RASSF6: variants seen among roughly 807,000 people sequenced by gnomAD.
RASSF6 encodes ras association domain-containing protein 6.
A neutral mutation model predicts 44.0 loss-of-function variants in RASSF6; 52 were observed. That is an observed-to-expected ratio of 1.18 (90% CI 0.95 to 1.49). The LOEUF is 1.49. Ranked by LOEUF, RASSF6 falls within the 40% of genes most tolerant of loss-of-function variation. The pLI is 0.00. For synonymous variants in RASSF6, 162 were observed against 124.6 expected (o/e 1.30, Z -2.00); for missense variants, 464 against 393.3 (o/e 1.18, Z -1.52).
At chr4:73,593,172 C>A (rs193279609) in intron 4 of RASSF6, among the ~76,000 whole-genome samples, 1 of 151,968 alleles carries the variant, frequency 6.6e-6, no homozygotes, top group African/African-American at 2.4e-5. Flanking sequence ...GCTGCCACCA[C>A]GCCCAGCTAA....
At chr4:73,618,208 A>G (rs1308865083) in intron 1 of RASSF6, among the ~76,000 whole-genome samples, 1 of 151,684 alleles carries the variant, frequency 6.6e-6, no homozygotes, top group Non-Finnish European at 1.5e-5. Flanking sequence ...TGACCACAAC[A>G]TTTAATAGTT....
intron 8 of RASSF6, among the ~76,000 whole-genome samples, chr4:73,578,439 C>T (rs1408098415): frequency 1.3e-5 from 2 of 151,964 alleles, no homozygotes; most frequent in African/African-American, 4.8e-5. Flanking sequence ...ATTCCCTTCC[C>T]CAAACATGCA....
chr4:73,578,084 T>C (rs942896797), intron 8 of RASSF6, among the ~76,000 whole-genome samples: 2 of 147,852 alleles, frequency 1.4e-5, no homozygotes, highest in African/African-American at 5.0e-5. Context: ...TGACACAAAA[T>C]ATAAAAGAAA....
chr4:73,596,196 C>A (rs898590928), intron 3 of RASSF6, among the ~76,000 whole-genome samples: 1 of 152,170 alleles, frequency 6.6e-6, no homozygotes, highest in African/African-American at 2.4e-5. Flanking sequence ...GGAAGTCAAA[C>A]TATCCCTGTT....
intron 3 of RASSF6, among the ~76,000 whole-genome samples, chr4:73,598,363 G>A (rs771474281): frequency 2.0e-5 from 3 of 151,994 alleles, no homozygotes; most frequent in Non-Finnish European, 4.4e-5. Flanking sequence ...ACATTCTGAC[G>A]CATTTGTAAG....
At chr4:73,606,655 TA>T (rs1274805565) in intron 2 of RASSF6, among the ~76,000 whole-genome samples, 4 of 132,546 alleles carry the variant, frequency 3.0e-5, no homozygotes, top group African/African-American at 1.1e-4. Context: ...TTTTTTTTTT[TA>T]AAGCCAGTTG....
chr4:73,616,297 G>A (rs1726362275), intron 1 of RASSF6, among the ~76,000 whole-genome samples: 1 of 151,830 alleles, frequency 6.6e-6, no homozygotes, highest in Non-Finnish European at 1.5e-5. Flanking sequence ...TAACTTCCCT[G>A]TATTTCCCAG....
intron 5 of RASSF6, among the ~76,000 whole-genome samples, 189 bp from the exon 6 acceptor site, chr4:73,585,553 G>T (rs1724022947): frequency 6.6e-6 from 1 of 151,976 alleles, no homozygotes; most frequent in Non-Finnish European, 1.5e-5. Flanking sequence ...AGCAAATTCT[G>T]CCAGTATCTC....
At chr4:73,611,125 G>A (rs1235623918) in intron 2 of RASSF6, among the ~76,000 whole-genome samples, 1 of 152,032 alleles carries the variant, frequency 6.6e-6, no homozygotes, top group Non-Finnish European at 1.5e-5. Context: ...TTTGGGTCAT[G>A]TTTCAGTACC....
intron 5 of RASSF6, among the ~76,000 whole-genome samples, chr4:73,587,036 C>T (rs1724149894): frequency 6.6e-6 from 1 of 152,028 alleles, no homozygotes; most frequent in Admixed American, 6.6e-5. Flanking sequence ...GGCACATGAA[C>T]CCTGTCCACC....
chr4:73,614,866 A>G (rs1210571909), intron 1 of RASSF6, among the ~76,000 whole-genome samples: 1 of 152,234 alleles, frequency 6.6e-6, no homozygotes, highest in Non-Finnish European at 1.5e-5. Flanking sequence ...TAAAATTTTC[A>G]TTCATAGGCA....
rs4019340 is a variant in RASSF6 at position 73,616,221 on chromosome 4, ATATCTATCTATCTATC to A, written c.-35+4051_-35+4066del. Among the ~76,000 whole-genome samples the A allele has an allele frequency of 1.7e-3, 254 of 149,020 alleles. 1 individual carries two copies. Among genetic ancestry groups the A allele is most frequent in the African/African-American group, 6.0e-3 (241 of 40,078 alleles). Reference sequence around the variant, plus strand: ...AGAACTAATATATATACATATATCTATATCTATCTATCTATCTATCTATCTATCTATCTATCTATCT... The same window carrying A: ...AGAACTAATATATATACATATATCTATATCTATCTATCTATCTATCTATCT... On this transcript the variant is annotated intron_variant, in intron 1 of 10. Coordinates refer to ENST00000307439, the MANE Select transcript of RASSF6 (RefSeq NM_177532.5).
chr4:73,581,138 A>G (rs1723617498), intron 8 of RASSF6, among the ~76,000 whole-genome samples: 1 of 152,098 alleles, frequency 6.6e-6, no homozygotes, highest in African/African-American at 2.4e-5. Context: ...ATTTTATTCT[A>G]ATAAATTTCT....
intron 6 of RASSF6, among the ~76,000 whole-genome samples, chr4:73,584,808 C>T (rs1199484697): frequency 6.6e-6 from 1 of 152,060 alleles, no homozygotes; most frequent in Non-Finnish European, 1.5e-5. Flanking sequence ...AGAGTTCACC[C>T]ATCATGGTGG....
At chr4:73,608,184 T>G (rs915902843) in intron 2 of RASSF6, among the ~76,000 whole-genome samples, 1 of 151,726 alleles carries the variant, frequency 6.6e-6, no homozygotes, top group South Asian at 2.1e-4. Flanking sequence ...GTGATATATT[T>G]CTGGAGTCTG....
rs373168376 is a variant in RASSF6, at chr4:73,582,332, T to C, written c.568-42A>G. 16 of 972,470 alleles carry C rather than the reference T, an allele frequency of 1.6e-5. No individual in the cohort carries two copies. The Middle Eastern group carries it at 8.8e-4, about 54-fold the overall frequency. 60.2% of individuals were successfully genotyped at this position (972,470 alleles called of 1,614,324 possible). A position where few individuals can be genotyped will look rare whatever the true frequency, so the allele number is the denominator to read the frequency against. ...CACATAAGTCTTTAAAATTATATTA[T>C]ATTAAGGGTATTCAATATCTTGAAC... On this transcript the variant is annotated intron_variant, in intron 6 of 10. Transcript: ENST00000307439.
chr4:73,589,500 G>C (rs16849720), intron 4 of RASSF6, among the ~76,000 whole-genome samples: 1 of 151,808 alleles, frequency 6.6e-6, no homozygotes, highest in African/African-American at 2.4e-5. Context: ...TCAAATTCTC[G>C]GTGACCCTCG....
At chr4:73,585,046 G>T (rs566390395) in intron 6 of RASSF6, 134 bp downstream of exon 6, 2 of 563,720 alleles carry the variant, frequency 3.5e-6, no homozygotes, top group Admixed American at 6.6e-5. Flanking sequence ...CTAGCACATA[G>T]AGAGTGCCCC....
chr4:73,582,168 C>G (rs1223447475), intron 7 of RASSF6, 21 bp downstream of exon 7: 4 of 1,053,022 alleles, frequency 3.8e-6, no homozygotes, highest in Non-Finnish European at 5.7e-6. Flanking sequence ...ATTTATAGCT[C>G]AGTTAAGTGA....
Sources: allele counts gnomAD v4.1 joint callset (sites outside exome capture counted in the v4.1 genomes callset), GRCh38; gene constraint gnomAD v4.1.1; transcripts MANE v1.5; gene names NCBI Gene and HGNC (gene_info 2026-07-23, HGNC 2026-07-21).